Variants in PAK5 observed in about 807,000 individuals in gnomAD.
PAK5 encodes the protein serine/threonine-protein kinase PAK 5.
Under a neutral mutation model 65.9 loss-of-function variants are expected in PAK5, and 16 were observed. The ratio of observed to expected loss-of-function variants is 0.24; its 90% CI spans 0.16 to 0.37. The LOEUF (loss-of-function observed/expected upper bound fraction) is 0.37. Ranked by LOEUF, PAK5 falls within the 10% of genes least tolerant of loss-of-function variation. The pLI is 1.00. For synonymous variants in PAK5, 371 were observed against 354.9 expected (o/e 1.05, Z -0.51); for missense variants, 785 against 903.9 (o/e 0.87, Z 1.69).
chr20:9,799,939 C>CAAAAA (rs71331383), intron 1 of PAK5, among the ~76,000 whole-genome samples: 1 of 43,660 alleles, frequency 2.3e-5, no homozygotes, highest in Non-Finnish European at 4.5e-5. Flanking sequence ...ACTCTGTCTC[C>CAAAAA]AAAAAAAAAA....
At chr20:9,755,745 C>T (rs181508821) in intron 1 of PAK5, among the ~76,000 whole-genome samples, 272 of 152,290 alleles carry the variant, frequency 1.8e-3, no homozygotes, top group Non-Finnish European at 3.1e-3. Flanking sequence ...AATCAAGGCT[C>T]TAATGAAAGG....
intron 1 of PAK5, among the ~76,000 whole-genome samples, chr20:9,804,322 C>G (rs903775433): frequency 1.2e-4 from 19 of 152,140 alleles, no homozygotes; most frequent in African/African-American, 3.4e-4. Flanking sequence ...GTAGATGCAT[C>G]AAGCAACCAC....
chr20:9,804,019 A>T (rs768105132), intron 1 of PAK5, among the ~76,000 whole-genome samples: 1 of 152,204 alleles, frequency 6.6e-6, no homozygotes, highest in Non-Finnish European at 1.5e-5. Context: ...AAGGCATGGG[A>T]TCATGCTGTG....
At chr20:9,541,232 T>C (rs538046546) in intron 9 of PAK5, among the ~76,000 whole-genome samples, 1 of 152,300 alleles carries the variant, frequency 6.6e-6, no homozygotes, top group East Asian at 1.9e-4. Context: ...CTCTCTTTTA[T>C]TGTCATAAGA....
intron 1 of PAK5, among the ~76,000 whole-genome samples, chr20:9,798,107 C>A (rs1486027090): frequency 6.6e-6 from 1 of 152,090 alleles, no homozygotes; most frequent in Non-Finnish European, 1.5e-5. Flanking sequence ...GGAAAATCTA[C>A]TTCAGTGGCA....
intron 2 of PAK5, among the ~76,000 whole-genome samples, chr20:9,654,263 G>A (rs754578830): frequency 6.6e-6 from 1 of 152,036 alleles, no homozygotes; most frequent in Non-Finnish European, 1.5e-5. Flanking sequence ...GTGAGCCACC[G>A]TGCCCGGCCC....
chr20:9,814,664 A>G (rs2049335688), intron 1 of PAK5, among the ~76,000 whole-genome samples: 1 of 152,184 alleles, frequency 6.6e-6, no homozygotes, highest in African/African-American at 2.4e-5. Context: ...ATATATAAGA[A>G]AAACAAATCA....
intron 6 of PAK5, among the ~76,000 whole-genome samples, chr20:9,559,711 G>A (rs777060844): frequency 2.6e-5 from 4 of 152,118 alleles, no homozygotes; most frequent in Non-Finnish European, 5.9e-5. Context: ...TGCAGTGAGC[G>A]GAGATAGCGC....
At chr20:9,573,062 G>A (rs1327572091) in intron 4 of PAK5, among the ~76,000 whole-genome samples, 2 of 151,088 alleles carry the variant, frequency 1.3e-5, no homozygotes, top group Admixed American at 1.3e-4. Flanking sequence ...TAGAAATATT[G>A]ACAAAATGAA....
chr20:9,565,252 T>C (rs1037692217), intron 5 of PAK5, among the ~76,000 whole-genome samples: 1 of 152,118 alleles, frequency 6.6e-6, no homozygotes, highest in East Asian at 1.9e-4. Context: ...CAGAAAAATA[T>C]AGAAAGGAAA....
chr20:9,612,018 C>G (rs2046570404), intron 3 of PAK5, among the ~76,000 whole-genome samples: 1 of 152,200 alleles, frequency 6.6e-6, no homozygotes, highest in African/African-American at 2.4e-5. Flanking sequence ...CTGTTCTCCT[C>G]TTTGCAGGCA....
intron 3 of PAK5, among the ~76,000 whole-genome samples, chr20:9,593,742 A>G (rs1486299143): frequency 6.6e-6 from 1 of 152,188 alleles, no homozygotes; most frequent in East Asian, 1.9e-4. Flanking sequence ...TTTCATTTAG[A>G]TAAGCTATAT....
intron 2 of PAK5, among the ~76,000 whole-genome samples, chr20:9,699,553 GTT>G (rs34450464): frequency 0.21 from 29,456 of 138,538 alleles, 3,442 homozygotes; most frequent in African/African-American, 0.32. Flanking sequence ...TTTGCTTCTT[GTT>G]TTTTTTTTTT....
At position 9,557,737 on chromosome 20, in the gene PAK5, G is replaced by A; in HGVS notation, c.1617-3C>T. On this transcript the variant is annotated splice_polypyrimidine_tract_variant and splice_region_variant and intron_variant, in intron 6 of 9. Coordinates refer to ENST00000353224, the MANE Select transcript of PAK5 (RefSeq NM_177990.4). ...TAGCTATCTGTTCTTCATTCATTCT[G>A]GAAAGGAAATAACATTTAAGGAACA... 6.2e-7 allele frequency: 1 copy of A among 1,609,906 alleles called. No individual in the cohort carries two copies. The highest frequency in any genetic ancestry group is 8.5e-7 in the Non-Finnish European group (1 of 1,176,986).
At chr20:9,723,012 G>T (rs2048235715) in intron 1 of PAK5, among the ~76,000 whole-genome samples, 1 of 152,140 alleles carries the variant, frequency 6.6e-6, no homozygotes, top group African/African-American at 2.4e-5. Flanking sequence ...GATTACAGGT[G>T]TGAGCCACCG....
Position 9,584,710 on chromosome 20 carries a change from A to G in PAK5, c.205-3780T>C, listed in dbSNP as rs1271073698. Among the ~76,000 whole-genome samples, 3 of 152,180 alleles carry G rather than the reference A, an allele frequency of 2.0e-5. No individual in the cohort carries two copies. In the East Asian group the frequency reaches 5.8e-4, roughly 29 times the overall value. On this transcript the variant is annotated intron_variant, in intron 3 of 9. Coordinates refer to ENST00000353224, the MANE Select transcript of PAK5 (RefSeq NM_177990.4). ...ATTTAAACTTCTGGCCTCCTTTCCT[A>G]TTCAATAATGTCTTGCACTGTTTTT...
In PAK5 at chr20:9,761,561, A is replaced by T. The variant is rs117982540; in HGVS notation, c.-161-50126T>A. Among the ~76,000 whole-genome samples, 26 of 152,270 alleles carry T rather than the reference A, an allele frequency of 1.7e-4. No homozygotes were observed. The East Asian group carries it at 4.8e-3, about 28-fold the overall frequency. ...AAAAAGCAGTGTTAAAATTCATATGAAACCACAAAGACCCTGAATAGCCAA... is the reference window on the plus strand; with the variant it reads ...AAAAAGCAGTGTTAAAATTCATATGTAACCACAAAGACCCTGAATAGCCAA... On this transcript the variant is annotated intron_variant, in intron 1 of 9. Transcript: ENST00000353224.
At chr20:9,617,349 CA>C (rs1273969396) in intron 3 of PAK5, among the ~76,000 whole-genome samples, 1 of 152,058 alleles carries the variant, frequency 6.6e-6, no homozygotes, top group Non-Finnish European at 1.5e-5. Context: ...GACATTGAGT[CA>C]AAACTCTGGG....
chr20:9,689,907 C>A (rs1351199076), intron 2 of PAK5, among the ~76,000 whole-genome samples: 1 of 152,134 alleles, frequency 6.6e-6, no homozygotes, highest in African/African-American at 2.4e-5. Flanking sequence ...AATTGCCAAG[C>A]AGGCCTGCAG....
Sources: gnomAD v4.1 joint callset for allele counts (sites outside exome capture counted in the v4.1 genomes callset) on GRCh38, gnomAD v4.1.1 for gene constraint, MANE v1.5 for transcripts, NCBI Gene and HGNC (gene_info 2026-07-23, HGNC 2026-07-21) for gene names.